GPBP1: variants seen among roughly 807,000 people sequenced by gnomAD.
The protein encoded by GPBP1 is vasculin.
GPBP1 carries 13 observed loss-of-function variants against 56.5 expected under a neutral mutation model. The observed-to-expected ratio is 0.23, with a 90% CI of 0.15 to 0.37. The LOEUF (loss-of-function observed/expected upper bound fraction) is 0.37. GPBP1 is among the 10% of genes least tolerant of loss of function. The pLI is 1.00. For missense variants in GPBP1, 477 were observed against 572.3 expected (o/e 0.83, Z 1.70); for synonymous variants, 204 against 188.9 (o/e 1.08, Z -0.66).
chr5:57,203,585 C>T (rs1347747840), intron 2 of GPBP1, among the ~76,000 whole-genome samples: 1 of 152,112 alleles, frequency 6.6e-6, no homozygotes, highest in Non-Finnish European at 1.5e-5. Flanking sequence ...TGGGATGTTC[C>T]AGTGACCCAA....
At chr5:57,223,522 A>G (rs1050850430) in intron 3 of GPBP1, among the ~76,000 whole-genome samples, 4 of 152,212 alleles carry the variant, frequency 2.6e-5, no homozygotes, top group Middle Eastern at 3.4e-3. Flanking sequence ...AATATAATCA[A>G]TGGACATTCC....
Position 57,214,176 on chromosome 5 carries a change from C to T in GPBP1, c.46C>T (p.Pro16Ser). 2 of 1,613,104 alleles carry T rather than the reference C, an allele frequency of 1.2e-6. No individual in the cohort carries two copies. Among genetic ancestry groups the T allele is most frequent in the Non-Finnish European group, 1.7e-6 (2 of 1,179,024 alleles). ...FAPAWLNFPTPPSSTKSSLNF... is the reference protein window; with the variant it reads ...FAPAWLNFPTSPSSTKSSLNF... The stretch of plus-strand genomic sequence containing the variant: ...TCCAGCCTGGCTTAATTTCCCTACT[C>T]CACCATCATCAACAAAGGTACTCTT... Residue 16 changes from proline (P) to serine (S), a missense_variant, in exon 3 of 12, where the codon CCA becomes TCA. Pro to Ser is a moderately conservative substitution (Grantham distance 74). Transcript: ENST00000506184.
rs1756439838 is a variant in GPBP1 at position 57,231,122 on chromosome 5, A to C, written c.212A>C (p.Asn71Thr). The C allele has an allele frequency of 6.2e-7, 1 of 1,613,082 alleles. No homozygotes were observed. The highest frequency in any genetic ancestry group is 8.5e-7 in the Non-Finnish European group (1 of 1,179,780). Residue 71 changes from asparagine (N) to threonine (T), a missense_variant, in exon 5 of 12, where the codon AAT (asparagine) becomes ACT (threonine). By Grantham distance (65) the Asn-to-Thr change is moderately conservative. Coordinates refer to ENST00000506184, the MANE Select transcript of GPBP1 (RefSeq NM_022913.4). ...GGTAACTTTGGAAGGAAAGAAAAAAATGGATGGCGTACACATGGAAGAAAT... is the reference window on the plus strand; with the variant it reads ...GGTAACTTTGGAAGGAAAGAAAAAACTGGATGGCGTACACATGGAAGAAAT... ...NGGNFGRKEKNGWRTHGRNGT... is the reference protein window; with the variant it reads ...NGGNFGRKEKTGWRTHGRNGT...
chr5:57,226,076 C>T (rs538047926), intron 3 of GPBP1, among the ~76,000 whole-genome samples: 3 of 152,148 alleles, frequency 2.0e-5, no homozygotes, highest in Non-Finnish European at 4.4e-5. Flanking sequence ...CTTGGAGTGA[C>T]CTGTGTCCCT....
At chr5:57,195,375 T>G (rs1195201963) in intron 2 of GPBP1, among the ~76,000 whole-genome samples, 2 of 152,180 alleles carry the variant, frequency 1.3e-5, no homozygotes, top group African/African-American at 4.8e-5. Context: ...CAGGCTGGTC[T>G]CCAGGTCCTG....
intron 2 of GPBP1, among the ~76,000 whole-genome samples, chr5:57,208,959 A>G (rs1038616234): frequency 3.9e-5 from 6 of 151,964 alleles, no homozygotes; most frequent in Non-Finnish European, 7.4e-5. Flanking sequence ...TGGGCCAGGG[A>G]TGTCTTTCTG....
rs141981179 is a variant in GPBP1, at chr5:57,199,683, G to A, written c.-57-14391G>A. ...TACATTAGGTATATCTCCTAATGCT[G>A]TCCCTCCCCCTGAGATTTATTTTCT... On this transcript the variant is annotated intron_variant, in intron 2 of 11. Coordinates refer to ENST00000506184, the MANE Select transcript of GPBP1 (RefSeq NM_022913.4). 3.2e-3 allele frequency among the ~76,000 whole-genome samples: 485 copies of A among 152,162 alleles called. 4 individuals are homozygous for A. The highest frequency in any genetic ancestry group is 0.011 in the African/African-American group (461 of 41,518).
chr5:57,261,211 A>T lies in GPBP1; in HGVS notation c.1192A>T (p.Ser398Cys). 6.2e-7 allele frequency: 1 copy of T among 1,612,988 alleles called. No homozygotes were observed. The highest frequency in any genetic ancestry group is 8.5e-7 in the Non-Finnish European group (1 of 1,179,004). ...LLKEMGWQED[S>C]ENDETCAPLT... The stretch of plus-strand genomic sequence containing the variant: ...AAAGGAAATGGGCTGGCAGGAAGAC[A>T]GTGAAAATGATGAAACATGTGCTCC... Residue 398 changes from serine (S) to cysteine (C), a missense_variant, in exon 11 of 12, where the codon AGT becomes TGT. Physicochemically the swap from Ser to Cys is moderately radical, Grantham distance 112. This residue lies in a region of GPBP1 where 63 missense variants were observed against 114.0 expected (regional missense o/e 0.55). Transcript: ENST00000506184.
At chr5:57,215,820 GT>G (rs1755676592) in intron 3 of GPBP1, among the ~76,000 whole-genome samples, 1 of 144,322 alleles carries the variant, frequency 6.9e-6, no homozygotes, top group South Asian at 2.2e-4. Flanking sequence ...AATCTTCTAA[GT>G]TTTTCCAGTG....
chr5:57,175,387 G>T (rs180705152), intron 1 of GPBP1, 61 bp from the exon 2 acceptor site: 2 of 397,198 alleles, frequency 5.0e-6, no homozygotes, highest in South Asian at 1.3e-4. Flanking sequence ...TTAAGTTGGG[G>T]ATTGATTTTT....
At chr5:57,209,239 A>T (rs1004786902) in intron 2 of GPBP1, among the ~76,000 whole-genome samples, 1 of 152,200 alleles carries the variant, frequency 6.6e-6, no homozygotes, top group Non-Finnish European at 1.5e-5. Context: ...AATTTATGTA[A>T]GATCATGTAA....
chr5:57,205,635 G>C (rs1455585831), intron 2 of GPBP1, among the ~76,000 whole-genome samples: 1 of 149,740 alleles, frequency 6.7e-6, no homozygotes, highest in Non-Finnish European at 1.5e-5. Flanking sequence ...GAGCGAAGTA[G>C]TATTTCATTG....
chr5:57,263,823 T>C lies in GPBP1; in HGVS notation c.*1071T>C, dbSNP rs150285037. Reference sequence around the variant, plus strand: ...TTTGCACATTAATTTTGGAATTGTTTCTGTTTTGCTGCTGACGGAAATACT... The same window carrying C: ...TTTGCACATTAATTTTGGAATTGTTCCTGTTTTGCTGCTGACGGAAATACT... On this transcript the variant is annotated 3_prime_UTR_variant, in exon 12 of 12. Coordinates refer to ENST00000506184, the MANE Select transcript of GPBP1 (RefSeq NM_022913.4). 47 of 152,322 alleles carry C rather than the reference T, an allele frequency of 3.1e-4. No individual in the cohort carries two copies. The highest frequency in any genetic ancestry group is 1.1e-3 in the African/African-American group (47 of 41,586). 9.4% of individuals were successfully genotyped at this position (152,322 alleles called of 1,614,324 possible).
chr5:57,248,445 T>G (rs1273674592), intron 8 of GPBP1, among the ~76,000 whole-genome samples: 3 of 88,654 alleles, frequency 3.4e-5, no homozygotes, highest in Admixed American at 1.3e-4. Context: ...TTTTTTTTTT[T>G]GAGACGGAGT....
At position 57,234,045 on chromosome 5, in the gene GPBP1, A is replaced by G. The variant is rs530866222; in HGVS notation, c.412-1921A>G. 3.9e-5 allele frequency among the ~76,000 whole-genome samples: 6 copies of G among 152,326 alleles called. No homozygotes were observed. The South Asian group carries it at 6.2e-4, about 16-fold the overall frequency. On this transcript the variant is annotated intron_variant, in intron 5 of 11. Transcript: ENST00000506184. ...TCTAATAGTATACTTTAAAGATGCT[A>G]TGCACATGTAACCACCGCCAAAATC...
intron 2 of GPBP1, among the ~76,000 whole-genome samples, chr5:57,191,854 C>T (rs761814935): frequency 1.4e-4 from 21 of 152,286 alleles, no homozygotes; most frequent in African/African-American, 3.8e-4. Flanking sequence ...GCCACCACGC[C>T]GGCCTGTCTA....
At chr5:57,193,438 C>T (rs1741381860) in intron 2 of GPBP1, among the ~76,000 whole-genome samples, 1 of 151,628 alleles carries the variant, frequency 6.6e-6, no homozygotes, top group South Asian at 2.1e-4. Context: ...CATGATGAAA[C>T]CCCATCTCCA....
intron 3 of GPBP1, among the ~76,000 whole-genome samples, chr5:57,229,437 C>T (rs986506025): frequency 1.3e-5 from 2 of 152,028 alleles, no homozygotes; most frequent in African/African-American, 4.8e-5. Flanking sequence ...ATGTTTTCCC[C>T]ATTAGGTTGT....
At position 57,261,222 on chromosome 5, in the gene GPBP1, T is replaced by C; in HGVS notation, c.1203T>C (p.Asp401=). The change falls in exon 11 of 12, where the codon GAT becomes GAC. Residue 401 remains aspartate (D), a synonymous_variant. Transcript: ENST00000506184. ...EMGWQEDSEN[D]ETCAPLTEDE... The stretch of plus-strand genomic sequence containing the variant: ...GCTGGCAGGAAGACAGTGAAAATGA[T>C]GAAACATGTGCTCCCTTAACTGAGG... 1 of 1,613,362 alleles carries C rather than the reference T, an allele frequency of 6.2e-7. No homozygotes were observed. The highest frequency in any genetic ancestry group is 8.5e-7 in the Non-Finnish European group (1 of 1,179,386).
Sources: gnomAD v4.1 joint callset for allele counts (sites outside exome capture counted in the v4.1 genomes callset) on GRCh38, gnomAD v4.1.1 for gene constraint, gnomAD v4.1.1 regional missense constraint, MANE v1.5 for transcripts, NCBI Gene and HGNC (gene_info 2026-07-23, HGNC 2026-07-21) for gene names.